Variants in FSTL4 observed in about 807,000 individuals in gnomAD.
The protein encoded by FSTL4 is follistatin like 4.
A neutral mutation model predicts 78.2 loss-of-function variants in FSTL4; 28 were observed. The ratio of observed to expected loss-of-function variants is 0.36; its 90% CI spans 0.27 to 0.49. FSTL4 has a LOEUF of 0.49. Among genes scored for constraint, FSTL4 ranks in the 20% least tolerant of loss-of-function variants. The pLI, the probability that FSTL4 is intolerant of heterozygous loss-of-function variation, is 0.98. For synonymous variants in FSTL4, 422 were observed against 440.5 expected, an observed-to-expected ratio of 0.96 and a Z score of 0.53; for missense variants, 922 against 1,084.9, an observed-to-expected ratio of 0.85 and a Z score of 2.11.
rs1200982142 is a variant in FSTL4, at chr5:133,376,067, T to C, written c.409+24671A>G. ...GTTGTGTGTATACACACGTGTGCACTTGACAAGCTGAATCTACAATTTATA... is the reference window on the plus strand; with the variant it reads ...GTTGTGTGTATACACACGTGTGCACCTGACAAGCTGAATCTACAATTTATA... On this transcript the variant is annotated intron_variant, in intron 4 of 15. Coordinates refer to ENST00000265342, the MANE Select transcript of FSTL4 (RefSeq NM_015082.2). Among the ~76,000 whole-genome samples the C allele has an allele frequency of 2.0e-5, 3 of 152,226 alleles. No homozygotes were observed. The East Asian group carries it at 5.8e-4, about 29-fold the overall frequency.
At chr5:133,290,199 A>G (rs1359067223) in intron 6 of FSTL4, among the ~76,000 whole-genome samples, 1 of 152,192 alleles carries the variant, frequency 6.6e-6, no homozygotes, top group Non-Finnish European at 1.5e-5. Context: ...TGAGGAGGAG[A>G]GTGAATAAAC....
the FSTL4 span, among the ~76,000 whole-genome samples, chr5:133,716,506 G>C: frequency 6.6e-6 from 1 of 152,056 alleles, no homozygotes; most frequent in South Asian, 2.1e-4. Flanking sequence ...ATGTTAAACT[G>C]TGTTTTAAGC....
chr5:133,759,829 T>C, the FSTL4 span, among the ~76,000 whole-genome samples: 2 of 152,224 alleles, frequency 1.3e-5, no homozygotes, highest in African/African-American at 2.4e-5. Context: ...GATTCTACAT[T>C]CTATTGTAGA....
At chr5:133,491,544 C>T (rs916286324) in intron 3 of FSTL4, among the ~76,000 whole-genome samples, 5 of 151,514 alleles carry the variant, frequency 3.3e-5, no homozygotes, top group Admixed American at 2.0e-4. Flanking sequence ...GGACTACAGG[C>T]GCCCGCCACC....
At chr5:133,824,564 T>C in the FSTL4 span, among the ~76,000 whole-genome samples, 2 of 152,074 alleles carry the variant, frequency 1.3e-5, no homozygotes, top group Non-Finnish European at 2.9e-5. Flanking sequence ...TACCTGAGTA[T>C]ATTTCACCAC....
At chr5:133,658,097 T>C in the FSTL4 span, among the ~76,000 whole-genome samples, 3 of 152,306 alleles carry the variant, frequency 2.0e-5, no homozygotes, top group East Asian at 1.9e-4. Flanking sequence ...ATCACAGTTA[T>C]AGATTTTTTA....
chr5:133,318,539 G>T (rs1189502264), intron 4 of FSTL4, among the ~76,000 whole-genome samples: 5 of 152,232 alleles, frequency 3.3e-5, no homozygotes, highest in Non-Finnish European at 7.3e-5. Context: ...GGTAAATGGA[G>T]ATGGATGTGT....
intron 7 of FSTL4, among the ~76,000 whole-genome samples, chr5:133,243,555 G>C (rs1482592110): frequency 1.3e-5 from 2 of 152,206 alleles, no homozygotes; most frequent in Non-Finnish European, 2.9e-5. Context: ...GAATTGCTGG[G>C]GGCTAGATAT....
chr5:133,288,919 G>T (rs912734134), intron 6 of FSTL4, among the ~76,000 whole-genome samples: 1 of 152,214 alleles, frequency 6.6e-6, no homozygotes, highest in African/African-American at 2.4e-5. Flanking sequence ...AGACTGAGGT[G>T]AGGGTCTGTC....
chr5:133,476,526 C>A (rs916434378), intron 3 of FSTL4, among the ~76,000 whole-genome samples: 3 of 152,206 alleles, frequency 2.0e-5, no homozygotes, highest in African/African-American at 7.2e-5. Context: ...TGTAAATATT[C>A]ATGCATGATG....
At chr5:133,556,283 C>A (rs1232129213) in intron 3 of FSTL4, among the ~76,000 whole-genome samples, 1 of 152,118 alleles carries the variant, frequency 6.6e-6, no homozygotes, top group Non-Finnish European at 1.5e-5. Context: ...GATTGCAATG[C>A]CTATCTCAGA....
intron 7 of FSTL4, among the ~76,000 whole-genome samples, chr5:133,245,602 G>A (rs1000485348): frequency 9.2e-5 from 14 of 152,146 alleles, no homozygotes; most frequent in Non-Finnish European, 1.6e-4. Context: ...TGGTTACTTC[G>A]CCTCCCTGGA....
chr5:133,718,340 A>G, the FSTL4 span, among the ~76,000 whole-genome samples: 16 of 152,088 alleles, frequency 1.1e-4, no homozygotes, highest in Non-Finnish European at 1.8e-4. Flanking sequence ...CGGCCTCCCA[A>G]AATGCTGGGA....
intron 4 of FSTL4, among the ~76,000 whole-genome samples, chr5:133,331,859 C>T (rs778458246): frequency 2.6e-5 from 4 of 152,150 alleles, no homozygotes; most frequent in Non-Finnish European, 2.9e-5. Flanking sequence ...TCTCCTTCCC[C>T]GTCACCTGCA....
chr5:133,519,583 G>A (rs574769430), intron 3 of FSTL4, among the ~76,000 whole-genome samples: 6 of 152,344 alleles, frequency 3.9e-5, no homozygotes, highest in East Asian at 1.9e-4. Flanking sequence ...CAGCCTTTCC[G>A]AGAAGGGCAA....
intron 2 of FSTL4, among the ~76,000 whole-genome samples, chr5:133,596,664 C>T (rs1278290245): frequency 2.0e-5 from 3 of 152,082 alleles, no homozygotes; most frequent in Non-Finnish European, 4.4e-5. Context: ...CAGGTGCTAC[C>T]TTAGCCCGGT....
chr5:133,529,953 C>CTTTGTG (rs1435648627), intron 3 of FSTL4, among the ~76,000 whole-genome samples: 2 of 151,822 alleles, frequency 1.3e-5, no homozygotes, highest in Non-Finnish European at 2.9e-5. Flanking sequence ...GAAGACGTGA[C>CTTTGTG]TTTGTGTAAC....
chr5:133,827,703 C>CCA, the FSTL4 span, among the ~76,000 whole-genome samples: 1 of 151,670 alleles, frequency 6.6e-6, no homozygotes, highest in Non-Finnish European at 1.5e-5. Context: ...TGGGTTTCTT[C>CCA]CACACTATCT....
chr5:133,399,756 T>C (rs944792807), intron 4 of FSTL4, among the ~76,000 whole-genome samples: 3 of 152,252 alleles, frequency 2.0e-5, no homozygotes, highest in African/African-American at 7.2e-5. Context: ...CTCTCCTCCC[T>C]GTGCAACCTA....
Sources: allele counts gnomAD v4.1 joint callset (sites outside exome capture counted in the v4.1 genomes callset), GRCh38; gene constraint gnomAD v4.1.1; transcripts MANE v1.5; gene names NCBI Gene and HGNC (gene_info 2026-07-23, HGNC 2026-07-21).